Variants in NEK11 observed in about 807,000 individuals in gnomAD.
NEK11 encodes NIMA related kinase 11.
Under a neutral mutation model 80.7 loss-of-function variants are expected in NEK11, and 72 were observed. The observed-to-expected ratio is 0.89, with a 90% CI of 0.74 to 1.08. The LOEUF (loss-of-function observed/expected upper bound fraction) is 1.08, where lower values mean the gene tolerates loss of function less well. Among genes scored for constraint, NEK11 ranks in the 50% least tolerant of loss-of-function variants. The pLI is 0.00. For missense variants in NEK11, 764 were observed against 763.6 expected, an observed-to-expected ratio of 1.00 and a Z score of -0.01; for synonymous variants, 251 against 260.7, an observed-to-expected ratio of 0.96 and a Z score of 0.36.
intron 17 of NEK11, among the ~76,000 whole-genome samples, chr3:131,281,514 C>T (rs1473002709): frequency 6.6e-6 from 1 of 152,180 alleles, no homozygotes; most frequent in African/African-American, 2.4e-5. Context: ...TAATGACGGA[C>T]ATACGAGTAT....
At chr3:131,181,828 T>C (rs1478339256) in intron 14 of NEK11, among the ~76,000 whole-genome samples, 1 of 150,512 alleles carries the variant, frequency 6.6e-6, no homozygotes, top group African/African-American at 2.4e-5. Flanking sequence ...ACAGTAGACA[T>C]AGAAAACTAA....
intron 17 of NEK11, among the ~76,000 whole-genome samples, chr3:131,297,331 C>T (rs1196899147): frequency 2.0e-5 from 3 of 152,098 alleles, no homozygotes; most frequent in African/African-American, 7.2e-5. Context: ...CTGTTGTTTC[C>T]TGACTTTTTA....
intron 2 of NEK11, among the ~76,000 whole-genome samples, chr3:131,028,849 C>T (rs1040724091): frequency 2.6e-5 from 4 of 152,202 alleles, no homozygotes; most frequent in East Asian, 1.9e-4. Context: ...CCACTGCGCC[C>T]GGCCTAAACA....
At chr3:131,288,450 C>CTTTCTTTCTTTCTTTCTTTCT (rs536834704) in intron 17 of NEK11, among the ~76,000 whole-genome samples, 4 of 115,396 alleles carry the variant, frequency 3.5e-5, no homozygotes, top group Non-Finnish European at 7.3e-5. Flanking sequence ...TTCTTTCTTT[C>CTTTCTTTCTTTCTTTCTTTCT]TTTTTTTTTT....
chr3:131,324,432 C>T (rs1465072044), intron 17 of NEK11, among the ~76,000 whole-genome samples: 1 of 152,190 alleles, frequency 6.6e-6, no homozygotes, highest in African/African-American at 2.4e-5. Flanking sequence ...CAACTTTATG[C>T]TCTATTTTCT....
At chr3:131,250,724 G>A (rs1159040619) in intron 16 of NEK11, among the ~76,000 whole-genome samples, 1 of 152,016 alleles carries the variant, frequency 6.6e-6, no homozygotes, top group Non-Finnish European at 1.5e-5. Flanking sequence ...AATTCCAAGG[G>A]GTAAATAAAT....
chr3:131,076,812 TC>T (rs909998555), intron 3 of NEK11, among the ~76,000 whole-genome samples: 4 of 152,232 alleles, frequency 2.6e-5, no homozygotes, highest in African/African-American at 9.6e-5. Context: ...CATATGTTCC[TC>T]CAGATCCTTT....
At chr3:131,049,625 T>C (rs762292289) in intron 3 of NEK11, among the ~76,000 whole-genome samples, 20 of 152,230 alleles carry the variant, frequency 1.3e-4, no homozygotes, top group Non-Finnish European at 2.4e-4. Context: ...CTCAGTGTTG[T>C]CAAACGTGTA....
At chr3:131,156,864 T>C (rs373253899) in intron 10 of NEK11, among the ~76,000 whole-genome samples, 8 of 152,192 alleles carry the variant, frequency 5.3e-5, no homozygotes, top group East Asian at 3.9e-4. Flanking sequence ...TAAGGAAATA[T>C]GCTTAACATT....
At chr3:131,265,325 C>T (rs892600279) in intron 16 of NEK11, among the ~76,000 whole-genome samples, 1 of 152,116 alleles carries the variant, frequency 6.6e-6, no homozygotes, top group African/African-American at 2.4e-5. Context: ...AGCTTTTGCC[C>T]ATTCAGTATG....
chr3:131,155,575 C>T (rs1287729677), intron 10 of NEK11, among the ~76,000 whole-genome samples: 1 of 152,198 alleles, frequency 6.6e-6, no homozygotes, highest in Non-Finnish European at 1.5e-5. Context: ...CATTCCTTCA[C>T]ATAAGAACTA....
At chr3:131,050,512 ATTAAATCATTC>A (rs2068192599) in intron 3 of NEK11, among the ~76,000 whole-genome samples, 1 of 152,242 alleles carries the variant, frequency 6.6e-6, no homozygotes, top group Non-Finnish European at 1.5e-5. Context: ...CCGTTGGTTT[ATTAAATCATTC>A]TTAGGAGGTA....
intron 17 of NEK11, among the ~76,000 whole-genome samples, chr3:131,316,760 A>G (rs2096844247): frequency 6.6e-6 from 1 of 152,206 alleles, no homozygotes; most frequent in Non-Finnish European, 1.5e-5. Flanking sequence ...CTTAGATCAG[A>G]GAGGAAGAAA....
At chr3:131,044,446 TGGGGGG>T (rs59841218) in intron 3 of NEK11, among the ~76,000 whole-genome samples, 1 of 86,836 alleles carries the variant, frequency 1.2e-5, no homozygotes, top group African/African-American at 4.5e-5. Flanking sequence ...AAAAAAAAGG[TGGGGGG>T]GGGGGTTGGA....
intron 14 of NEK11, among the ~76,000 whole-genome samples, chr3:131,196,866 T>C (rs2094035950): frequency 6.6e-6 from 1 of 150,992 alleles, no homozygotes; most frequent in South Asian, 2.1e-4. Context: ...TTTTTTGCTG[T>C]TGCAAGATTT....
In NEK11 at chr3:131,170,886, T is replaced by C. The variant is rs898393652; in HGVS notation, c.1398T>C (p.His466=). ...ATGCCACATCTGACCTTGGATACCA[T>C]GGTATGTGTTTGCATTGATTTTCAG... ...VEDATSDLGY[H]EIPEDPLVAE... is the part of the protein sequence containing the mutation. The change falls in exon 14 of 18, where the codon CAT becomes CAC. Residue 466 remains histidine, a splice_region_variant and synonymous_variant. Transcript: ENST00000383366. The C allele has an allele frequency of 6.3e-6, 10 of 1,596,364 alleles. No homozygotes were observed. The highest frequency in any genetic ancestry group is 7.7e-6 in the Non-Finnish European group (9 of 1,163,904).
intron 10 of NEK11, among the ~76,000 whole-genome samples, chr3:131,159,541 G>A (rs1468264271): frequency 6.6e-6 from 1 of 152,152 alleles, no homozygotes; most frequent in Admixed American, 6.5e-5. Context: ...TGAGGTGGGT[G>A]GATCATTTGA....
At chr3:131,258,366 T>A (rs563017078) in intron 16 of NEK11, among the ~76,000 whole-genome samples, 1 of 152,204 alleles carries the variant, frequency 6.6e-6, no homozygotes, top group Non-Finnish European at 1.5e-5. Context: ...GAAGTACTGC[T>A]GATACACTTT....
chr3:131,307,388 T>C (rs2109327439), intron 17 of NEK11, among the ~76,000 whole-genome samples: 1 of 152,356 alleles, frequency 6.6e-6, no homozygotes, highest in Middle Eastern at 3.4e-3. Context: ...AAAATATATT[T>C]GTTCCCGAAC....
Sources: allele counts gnomAD v4.1 joint callset (sites outside exome capture counted in the v4.1 genomes callset), GRCh38; gene constraint gnomAD v4.1.1; transcripts MANE v1.5; gene names NCBI Gene and HGNC (gene_info 2026-07-23, HGNC 2026-07-21).